Variants in NRXN1 observed in about 807,000 individuals in gnomAD.
NRXN1 encodes neurexin-1.
NRXN1 carries 39 observed loss-of-function variants against 150.9 expected under a neutral mutation model. That is an observed-to-expected ratio of 0.26 (90% CI 0.20 to 0.34). The LOEUF (loss-of-function observed/expected upper bound fraction) is 0.34, where lower values mean the gene tolerates loss of function less well. NRXN1 is among the 10% of genes least tolerant of loss of function. The pLI, the probability that NRXN1 is intolerant of heterozygous loss-of-function variation, is 1.00. For synonymous variants in NRXN1, 924 were observed against 757.0 expected (o/e 1.22, Z -3.62); for missense variants, 1,815 against 1,949.9 (o/e 0.93, Z 1.30).
intron 21 of NRXN1, among the ~76,000 whole-genome samples, chr2:49,946,361 C>A (rs1292450863): frequency 6.6e-6 from 1 of 152,068 alleles, no homozygotes; most frequent in Non-Finnish European, 1.5e-5. Context: ...ATGATAGTTT[C>A]TTTTGCTGGG....
chr2:50,039,673 T>C (rs1690620898), intron 21 of NRXN1, among the ~76,000 whole-genome samples: 1 of 152,110 alleles, frequency 6.6e-6, no homozygotes, highest in South Asian at 2.1e-4. Flanking sequence ...CGAGATCCCT[T>C]TGGAGGTAGG....
At chr2:50,016,963 A>ATGAGTC (rs1686741373) in intron 21 of NRXN1, among the ~76,000 whole-genome samples, 1 of 152,158 alleles carries the variant, frequency 6.6e-6, no homozygotes, top group African/African-American at 2.4e-5. Flanking sequence ...CCTGGAATGG[A>ATGAGTC]TGAGTCTGAC....
At chr2:50,191,428 C>T (rs1327173258) in intron 18 of NRXN1, among the ~76,000 whole-genome samples, 1 of 152,080 alleles carries the variant, frequency 6.6e-6, no homozygotes, top group Non-Finnish European at 1.5e-5. Flanking sequence ...TCCGACTTCA[C>T]TGGTTTTATA....
chr2:50,037,002 G>T lies in NRXN1; in HGVS notation c.4128+16269C>A, dbSNP rs138704533. Among the ~76,000 whole-genome samples, 23 of 152,290 alleles carry T rather than the reference G, an allele frequency of 1.5e-4. 1 individual carries two copies. In the East Asian group the frequency reaches 4.2e-3, roughly 28 times the overall value. On this transcript the variant is annotated intron_variant, in intron 21 of 22. Transcript: ENST00000401669. ...AGAATTATGAGCTAAATAAAAGGCT[G>T]CCATTTTAAGCAACTAAGTTTTAGA...
chr2:51,022,651 C>T (rs778677136), intron 2 of NRXN1, among the ~76,000 whole-genome samples: 1 of 152,094 alleles, frequency 6.6e-6, no homozygotes, highest in African/African-American at 2.4e-5. Context: ...CCACCTTTTC[C>T]TACAATGGCA....
intron 19 of NRXN1, among the ~76,000 whole-genome samples, chr2:50,077,191 A>G (rs763181291): frequency 2.6e-5 from 4 of 152,176 alleles, no homozygotes; most frequent in Admixed American, 6.5e-5. Context: ...TGCCCACTAC[A>G]GACTGCATGT....
chr2:51,017,991 G>A (rs184274195), intron 2 of NRXN1, among the ~76,000 whole-genome samples: 28 of 152,178 alleles, frequency 1.8e-4, no homozygotes, highest in Admixed American at 1.1e-3. Flanking sequence ...AAAAACATGA[G>A]TCTTTAATTT....
intron 5 of NRXN1, among the ~76,000 whole-genome samples, chr2:50,896,168 T>C (rs1278316685): frequency 6.6e-6 from 1 of 152,166 alleles, no homozygotes; most frequent in South Asian, 2.1e-4. Flanking sequence ...CATATCAATG[T>C]TTCTATTCTT....
chr2:49,985,372 C>A (rs190456440), intron 21 of NRXN1, among the ~76,000 whole-genome samples: 2 of 152,054 alleles, frequency 1.3e-5, no homozygotes, highest in Non-Finnish European at 2.9e-5. Flanking sequence ...TAATGAAGAC[C>A]AAAGACTTTG....
chr2:50,721,682 C>A (rs2105126605), intron 5 of NRXN1, among the ~76,000 whole-genome samples: 1 of 152,220 alleles, frequency 6.6e-6, no homozygotes, highest in South Asian at 2.1e-4. Flanking sequence ...GGAAGTTATA[C>A]TTACCACTTG....
intron 17 of NRXN1, among the ~76,000 whole-genome samples, chr2:50,289,694 T>C (rs2072662891): frequency 6.6e-6 from 1 of 152,140 alleles, no homozygotes; most frequent in Admixed American, 6.6e-5. Flanking sequence ...ATTACAAGTA[T>C]ATGCATCACA....
chr2:50,680,270 T>C (rs1021942260), intron 5 of NRXN1, among the ~76,000 whole-genome samples: 1 of 152,086 alleles, frequency 6.6e-6, no homozygotes, highest in Non-Finnish European at 1.5e-5. Flanking sequence ...AAGTAAAAAA[T>C]AACACTGTTT....
intron 18 of NRXN1, among the ~76,000 whole-genome samples, chr2:50,214,614 A>G (rs947962622): frequency 6.6e-6 from 1 of 152,020 alleles, no homozygotes; most frequent in African/African-American, 2.4e-5. Flanking sequence ...TATAGTCTGT[A>G]TTCTAGCTAC....
intron 15 of NRXN1, among the ~76,000 whole-genome samples, chr2:50,480,052 C>T (rs930261444): frequency 4.6e-5 from 7 of 152,134 alleles, no homozygotes; most frequent in African/African-American, 1.4e-4. Context: ...GGATTACAGG[C>T]GTAAGCCACC....
At chr2:50,742,317 T>TA (rs1470869153) in intron 5 of NRXN1, among the ~76,000 whole-genome samples, 1 of 151,808 alleles carries the variant, frequency 6.6e-6, no homozygotes, top group African/African-American at 2.4e-5. Flanking sequence ...CACTTATACA[T>TA]AGAGTACATC....
chr2:50,736,750 A>T (rs1017107459), intron 5 of NRXN1, among the ~76,000 whole-genome samples: 9 of 151,996 alleles, frequency 5.9e-5, no homozygotes, highest in Admixed American at 5.2e-4. Context: ...AGTTTGTTAA[A>T]CTTTTTCTTT....
At chr2:50,578,900 G>A (rs1391801784) in intron 8 of NRXN1, among the ~76,000 whole-genome samples, 1 of 151,982 alleles carries the variant, frequency 6.6e-6, no homozygotes, top group African/African-American at 2.4e-5. Flanking sequence ...CGAAATCCAC[G>A]CCTCCCCCTA....
At chr2:50,138,815 G>A (rs1706808035) in intron 18 of NRXN1, among the ~76,000 whole-genome samples, 1 of 152,262 alleles carries the variant, frequency 6.6e-6, no homozygotes, top group African/African-American at 2.4e-5. Flanking sequence ...ACCTCCTGAA[G>A]TTAGGACCAA....
At chr2:50,639,590 T>C (rs1683770129) in intron 5 of NRXN1, among the ~76,000 whole-genome samples, 1 of 152,120 alleles carries the variant, frequency 6.6e-6, no homozygotes, top group South Asian at 2.1e-4. Context: ...AGGATGGAAA[T>C]ATTCATTCTG....
Sources: allele counts gnomAD v4.1 joint callset (sites outside exome capture counted in the v4.1 genomes callset), GRCh38; gene constraint gnomAD v4.1.1; transcripts MANE v1.5; gene names NCBI Gene and HGNC (gene_info 2026-07-23, HGNC 2026-07-21).